The following SEL1L3 variants were observed in gnomAD, a reference collection of about 807,000 sequenced individuals.
The protein encoded by SEL1L3 is protein sel-1 homolog 3.
Under a neutral mutation model 142.8 loss-of-function variants are expected in SEL1L3, and 76 were observed. The observed-to-expected ratio is 0.53, with a 90% confidence interval of 0.44 to 0.64. The LOEUF is 0.64. Ranked by LOEUF, SEL1L3 falls within the 30% of genes least tolerant of loss-of-function variation. The pLI is 0.00. For synonymous variants in SEL1L3, 504 were observed against 519.6 expected (o/e 0.97, Z 0.41); for missense variants, 1,262 against 1,381.7 (o/e 0.91, Z 1.37).
intron 1 of SEL1L3, among the ~76,000 whole-genome samples, chr4:25,858,859 C>T (rs1218401005): frequency 6.6e-6 from 1 of 152,200 alleles, no homozygotes; most frequent in East Asian, 1.9e-4. Flanking sequence ...GCTGTGATTA[C>T]AGGCGTAAGA....
rs1334815010 is a variant in SEL1L3 at position 25,819,790 on chromosome 4, C to G, written c.1423+18G>C. On this transcript the variant is annotated intron_variant, in intron 8 of 23. Coordinates refer to ENST00000399878, the MANE Select transcript of SEL1L3 (RefSeq NM_015187.5). ...ATGCACAGAGCTTAAAACAGCTCCC[C>G]TGAAGCTCAACACTTACATGCTTCT... 2 of 1,604,320 alleles carry G rather than the reference C, an allele frequency of 1.2e-6. No homozygotes were observed. Among genetic ancestry groups the G allele is most frequent in the African/African-American group, 1.3e-5 (1 of 74,526 alleles).
intron 1 of SEL1L3, among the ~76,000 whole-genome samples, chr4:25,853,664 C>CTTTTTTTTTTTTTTT (rs34922528): frequency 1.2e-5 from 1 of 83,004 alleles, no homozygotes; most frequent in Non-Finnish European, 2.1e-5. Context: ...CTCTTCTTAC[C>CTTTTTTTTTTTTTTT]TTTTTTTTTT....
At chr4:25,860,885 A>G (rs975089630) in intron 1 of SEL1L3, among the ~76,000 whole-genome samples, 1 of 152,048 alleles carries the variant, frequency 6.6e-6, no homozygotes, top group Non-Finnish European at 1.5e-5. Flanking sequence ...CCATGGCATC[A>G]TTTTTCCCTC....
At chr4:25,818,360 G>A (rs182302958) in intron 8 of SEL1L3, 82 bp from the exon 9 acceptor site, 60 of 1,229,274 alleles carry the variant, frequency 4.9e-5, no homozygotes, top group Non-Finnish European at 6.4e-5. Flanking sequence ...CTTCCTAACA[G>A]GAACTAGAAA....
intron 13 of SEL1L3, among the ~76,000 whole-genome samples, chr4:25,786,014 G>A (rs574571636): frequency 1.1e-4 from 17 of 152,318 alleles, no homozygotes; most frequent in South Asian, 2.1e-4. Flanking sequence ...AATCTGAGTA[G>A]TATTAAAAGT....
chr4:25,746,238 C>T (rs1205266497), downstream of SEL1L3, among the ~76,000 whole-genome samples: 1 of 151,952 alleles, frequency 6.6e-6, no homozygotes, highest in Non-Finnish European at 1.5e-5. Flanking sequence ...ATATAATAGG[C>T]CAGGCGCGGT....
chr4:25,720,841 G>A, the SEL1L3 span: 3 of 152,262 alleles, frequency 2.0e-5, no homozygotes, highest in Admixed American at 6.5e-5. Context: ...CCTTCTATCT[G>A]TCTGTGGTGA....
intron 15 of SEL1L3, among the ~76,000 whole-genome samples, chr4:25,780,933 C>T (rs1360993860): frequency 1.3e-5 from 2 of 151,380 alleles, no homozygotes; most frequent in Non-Finnish European, 2.9e-5. Context: ...TCCAGTGATT[C>T]TCCTGCCTCA....
intron 2 of SEL1L3, among the ~76,000 whole-genome samples, chr4:25,840,330 T>C (rs1292692007): frequency 6.6e-6 from 1 of 152,200 alleles, no homozygotes; most frequent in Non-Finnish European, 1.5e-5. Context: ...GCCAAATATA[T>C]AGTTTATAAC....
intron 11 of SEL1L3, among the ~76,000 whole-genome samples, chr4:25,800,740 G>A (rs1411987550): frequency 1.3e-5 from 2 of 152,072 alleles, no homozygotes; most frequent in Non-Finnish European, 2.9e-5. Context: ...GAAAATACAT[G>A]TATAAATTAT....
rs1307757678 is a variant in SEL1L3, at chr4:25,783,654, TG to T, written c.2280+573del. Among the ~76,000 whole-genome samples, 15 of 152,310 alleles carry T rather than the reference TG, an allele frequency of 9.8e-5. No homozygotes were observed. The East Asian group carries it at 2.7e-3, about 27-fold the overall frequency. On this transcript the variant is annotated intron_variant, in intron 14 of 23. Coordinates refer to ENST00000399878, the MANE Select transcript of SEL1L3 (RefSeq NM_015187.5). The stretch of plus-strand genomic sequence containing the variant: ...GTGTGCATGTATGTGCATGTGTGGG[TG>T]GGGGCCCCTCGAAAGCAACATTGTA...
At position 25,833,044 on chromosome 4, in the gene SEL1L3, A is replaced by G. The variant is rs1715543769; in HGVS notation, c.1049T>C (p.Ile350Thr). The G allele has an allele frequency of 1.1e-5, 17 of 1,612,820 alleles. No homozygotes were observed. In the East Asian group the frequency reaches 3.8e-4, roughly 36 times the overall value. The change falls in exon 5 of 24, where the codon ATA (isoleucine) becomes ACA (threonine). Residue 350 changes from isoleucine to threonine, a missense_variant. Physicochemically the swap from Ile to Thr is moderately conservative, Grantham distance 89. This residue lies in a region of SEL1L3 where 689 missense variants were observed against 692.8 expected (regional missense o/e 0.99). Coordinates refer to ENST00000399878, the MANE Select transcript of SEL1L3 (RefSeq NM_015187.5). ...EDLAVKTKFIIPLKEWFRLDI... is the reference protein window; with the variant it reads ...EDLAVKTKFITPLKEWFRLDI... ...CAGTCGAAACCACTCCTTCAAAGGT[A>G]TGATGAATTTAGTTTTTACAGCAAG...
At position 25,765,345 on chromosome 4, in the gene SEL1L3, G is replaced by A; in HGVS notation, c.2936C>T (p.Ala979Val). The A allele has an allele frequency of 5.0e-6, 8 of 1,613,358 alleles. No individual in the cohort carries two copies. The highest frequency in any genetic ancestry group is 6.8e-6 in the Non-Finnish European group (8 of 1,179,362). Reference sequence around the variant, plus strand: ...GTTTACCTGGGAGTCTCCATCCAGGGCGGCTTGGGCGTACATCTGCACAGA... The same window carrying A: ...GTTTACCTGGGAGTCTCCATCCAGGACGGCTTGGGCGTACATCTGCACAGA... ...ELSVQMYAQA[A>V]LDGDSQGFFN... is the part of the protein sequence containing the mutation. The change falls in exon 20 of 24, where the codon GCC becomes GTC. Residue 979 changes from alanine to valine, a missense_variant. Around this residue, in one of 3 missense-constraint regions of SEL1L3, gnomAD observed 435 missense variants for 559.2 expected, o/e 0.78. Transcript: ENST00000399878.
At chr4:25,735,491 ATTATCT>A in the SEL1L3 span, among the ~76,000 whole-genome samples, 1 of 45,902 alleles carries the variant, frequency 2.2e-5, no homozygotes, top group Non-Finnish European at 6.3e-5. Flanking sequence ...GATTTTATTG[ATTATCT>A]TTATTTTTTT....
At position 25,754,203 on chromosome 4, in the gene SEL1L3, G is replaced by A. The variant is rs887120672; in HGVS notation, c.3259+3331C>T. On this transcript the variant is annotated intron_variant, in intron 23 of 23. Coordinates refer to ENST00000399878, the MANE Select transcript of SEL1L3 (RefSeq NM_015187.5). ...TGTATTCCCAGCTACTCGGGAGGCTGAGGCAGAAGAATCACTTGAACCCAG... is the reference window on the plus strand; with the variant it reads ...TGTATTCCCAGCTACTCGGGAGGCTAAGGCAGAAGAATCACTTGAACCCAG... Among the ~76,000 whole-genome samples, 7 of 151,570 alleles carry A rather than the reference G, an allele frequency of 4.6e-5. No individual in the cohort carries two copies. The East Asian group carries it at 1.2e-3, about 25-fold the overall frequency.
Position 25,783,966 on chromosome 4 carries a change from T to C in SEL1L3, c.2280+262A>G, listed in dbSNP as rs139400078. 1.5e-3 allele frequency among the ~76,000 whole-genome samples: 229 copies of C among 152,280 alleles called. 1 individual carries two copies. The highest frequency in any genetic ancestry group is 0.011 in the South Asian group (55 of 4,806). ...TTATAATTTTAGCCTTCAAACAAAA[T>C]CAACCCGAATGCTATTGACTGGAAG... On this transcript the variant is annotated intron_variant, in intron 14 of 23. Coordinates refer to ENST00000399878, the MANE Select transcript of SEL1L3 (RefSeq NM_015187.5).
chr4:25,763,754 C>T (rs1297864302), intron 20 of SEL1L3, among the ~76,000 whole-genome samples: 1 of 152,128 alleles, frequency 6.6e-6, no homozygotes, highest in East Asian at 1.9e-4. Flanking sequence ...GTAGGAGGAT[C>T]GCTTGAGCCT....
intron 16 of SEL1L3, among the ~76,000 whole-genome samples, chr4:25,776,892 A>G (rs1719670374): frequency 6.6e-6 from 1 of 152,068 alleles, no homozygotes; most frequent in African/African-American, 2.4e-5. Context: ...GATTAAAAAA[A>G]GGCACAAAAA....
chr4:25,815,836 AC>A (rs1422371666), intron 9 of SEL1L3, among the ~76,000 whole-genome samples: 1 of 148,918 alleles, frequency 6.7e-6, no homozygotes, highest in Non-Finnish European at 1.5e-5. Context: ...ATTTGGCAAT[AC>A]CAGGAAATAT....
Sources: allele counts gnomAD v4.1 joint callset (sites outside exome capture counted in the v4.1 genomes callset), GRCh38; gene constraint gnomAD v4.1.1; regional missense constraint gnomAD v4.1.1; transcripts MANE v1.5; gene names NCBI Gene and HGNC (gene_info 2026-07-23, HGNC 2026-07-21).